The following WWC2 variants were observed in gnomAD, a reference collection of about 807,000 sequenced individuals.
WWC2 encodes protein WWC2.
WWC2 carries 101 observed loss-of-function variants against 138.5 expected under a neutral mutation model. That is an observed-to-expected ratio of 0.73 (90% CI 0.62 to 0.86). The LOEUF is 0.86. WWC2 is among the 40% of genes least tolerant of loss of function. WWC2 has a pLI of 0.00. For synonymous variants in WWC2, 558 were observed against 538.4 expected, an observed-to-expected ratio of 1.04 and a Z score of -0.50; for missense variants, 1,420 against 1,419.4, an observed-to-expected ratio of 1.00 and a Z score of -0.01.
intron 14 of WWC2, among the ~76,000 whole-genome samples, chr4:183,267,784 T>C (rs1737553040): frequency 6.6e-6 from 1 of 152,202 alleles, no homozygotes; most frequent in African/African-American, 2.4e-5. Context: ...ACTTGTTGAG[T>C]TGGTGCGAAC....
chr4:183,319,821 G>A lies in WWC2; in HGVS notation c.*4092G>A, dbSNP rs796503961. 1 of 1,613,980 alleles carries A rather than the reference G, an allele frequency of 6.2e-7. No individual in the cohort carries two copies. Among genetic ancestry groups the A allele is most frequent in the Non-Finnish European group, 8.5e-7 (1 of 1,179,912 alleles). The stretch of plus-strand genomic sequence containing the variant: ...GGCAACCCAAGAGACGGGAACCAGG[G>A]CTGTGACTCCCGAGGCCCAGGACAG... On this transcript the variant is annotated 3_prime_UTR_variant, in exon 23 of 23. Transcript: ENST00000403733.
intron 1 of WWC2, among the ~76,000 whole-genome samples, chr4:183,158,068 A>T (rs949479809): frequency 6.6e-6 from 1 of 151,974 alleles, no homozygotes; most frequent in South Asian, 2.1e-4. Context: ...TTAGGGAGTG[A>T]TTTTAGATCA....
chr4:183,178,377 CAAAT>C (rs10690640), intron 1 of WWC2, among the ~76,000 whole-genome samples: 6,932 of 134,532 alleles, frequency 0.052, 302 homozygotes, highest in East Asian at 0.2. Context: ...CCTGTTTCTA[CAAAT>C]AAATAAATAA....
At chr4:183,168,154 G>T (rs1224547411) in intron 1 of WWC2, among the ~76,000 whole-genome samples, 1 of 135,658 alleles carries the variant, frequency 7.4e-6, no homozygotes, top group Non-Finnish European at 1.6e-5. Flanking sequence ...ACGCCCGGCT[G>T]ACTTTTTTTC....
At chr4:183,182,856 C>G (rs1365413882) in intron 1 of WWC2, among the ~76,000 whole-genome samples, 1 of 152,180 alleles carries the variant, frequency 6.6e-6, no homozygotes, top group Non-Finnish European at 1.5e-5. Flanking sequence ...AATGCATATA[C>G]TATTACTTCT....
chr4:183,207,335 G>A (rs747455794), intron 2 of WWC2, among the ~76,000 whole-genome samples: 20 of 152,100 alleles, frequency 1.3e-4, no homozygotes, highest in South Asian at 4.1e-4. Context: ...GATCCACTGC[G>A]GACTCACTGA....
chr4:183,133,152 C>CTTTT (rs374079982), intron 1 of WWC2, among the ~76,000 whole-genome samples: 3 of 59,190 alleles, frequency 5.1e-5, no homozygotes, highest in Non-Finnish European at 1.1e-4. Flanking sequence ...TCTTTTTTTT[C>CTTTT]TTTTTTTTTT....
chr4:183,248,090 C>T (rs1736855549), intron 6 of WWC2, among the ~76,000 whole-genome samples: 1 of 152,096 alleles, frequency 6.6e-6, no homozygotes, highest in South Asian at 2.1e-4. Flanking sequence ...ACAGCAGGCA[C>T]ATTTGCTTTT....
chr4:183,290,651 T>C (rs1465413368), intron 21 of WWC2, among the ~76,000 whole-genome samples: 1 of 152,278 alleles, frequency 6.6e-6, no homozygotes, highest in African/African-American at 2.4e-5. Context: ...TATTTTGGTT[T>C]AGGATTGTGT....
Position 183,285,964 on chromosome 4 carries a change from CA to C in WWC2, c.3049-2del, listed in dbSNP as rs1169546175. The C allele has an allele frequency of 6.3e-7, 1 of 1,581,568 alleles. No homozygotes were observed. Among genetic ancestry groups the C allele is most frequent in the African/African-American group, 1.3e-5 (1 of 74,386 alleles). On this transcript the variant is annotated splice_acceptor_variant, in intron 19 of 22. Transcript: ENST00000403733. LOFTEE classifies it high-confidence loss of function. ...ATTTTTTTTTTAAATCTTTTGTTGC[CA>C]GTTAAATCGGAGTGACAGTGACAGT...
chr4:183,255,513 T>G (rs1006014016), intron 9 of WWC2, among the ~76,000 whole-genome samples: 1 of 152,244 alleles, frequency 6.6e-6, no homozygotes, highest in South Asian at 2.1e-4. Flanking sequence ...CAATGATGTT[T>G]CATACTACTA....
chr4:183,149,454 C>T (rs75194414), intron 1 of WWC2, among the ~76,000 whole-genome samples: 1 of 152,028 alleles, frequency 6.6e-6, no homozygotes, highest in Non-Finnish European at 1.5e-5. Context: ...GAAACCCCAT[C>T]TCTACTGAAA....
intron 22 of WWC2, among the ~76,000 whole-genome samples, chr4:183,312,716 A>G (rs1410961095): frequency 6.6e-6 from 1 of 152,322 alleles, no homozygotes; most frequent in Middle Eastern, 3.4e-3. Context: ...CTGTTAGCAC[A>G]TCTCACTGGG....
Position 183,181,004 on chromosome 4 carries a change from A to G in WWC2, c.132-12595A>G, listed in dbSNP as rs568254715. Among the ~76,000 whole-genome samples the G allele has an allele frequency of 9.8e-5, 15 of 152,368 alleles. No individual in the cohort carries two copies. In the South Asian group the frequency reaches 2.3e-3, roughly 23 times the overall value. On this transcript the variant is annotated intron_variant, in intron 1 of 22. Transcript: ENST00000403733. ...CATTATAAGACTTTAAAATTTATCAAAACTTATGCACACATTACAAATTGT... is the reference window on the plus strand; with the variant it reads ...CATTATAAGACTTTAAAATTTATCAGAACTTATGCACACATTACAAATTGT...
chr4:183,236,364 G>C (rs1353175906), intron 4 of WWC2, among the ~76,000 whole-genome samples: 2 of 152,184 alleles, frequency 1.3e-5, no homozygotes, highest in African/African-American at 4.8e-5. Context: ...GACTCACAGA[G>C]ACTCCAGGGG....
intron 1 of WWC2, among the ~76,000 whole-genome samples, chr4:183,145,540 G>A (rs1299561973): frequency 6.6e-6 from 1 of 152,160 alleles, no homozygotes; most frequent in Non-Finnish European, 1.5e-5. Context: ...TGGGCATAGT[G>A]GTCACAATAT....
chr4:183,292,658 T>G (rs1269982463), intron 21 of WWC2, among the ~76,000 whole-genome samples: 1 of 150,956 alleles, frequency 6.6e-6, no homozygotes, highest in Non-Finnish European at 1.5e-5. Flanking sequence ...AAAGAAAATA[T>G]AAGTTCTGGA....
At chr4:183,246,947 A>T (rs1736798747) in intron 6 of WWC2, among the ~76,000 whole-genome samples, 1 of 152,138 alleles carries the variant, frequency 6.6e-6, no homozygotes, top group South Asian at 2.1e-4. Flanking sequence ...GTCATCTTTC[A>T]TTCTTCCTAT....
intron 1 of WWC2, among the ~76,000 whole-genome samples, chr4:183,186,224 G>A (rs1044783343): frequency 3.9e-5 from 6 of 152,188 alleles, no homozygotes; most frequent in Non-Finnish European, 7.3e-5. Flanking sequence ...GATTATAGGC[G>A]TAATCCACTG....
Sources: gnomAD v4.1 joint callset for allele counts (sites outside exome capture counted in the v4.1 genomes callset) on GRCh38, gnomAD v4.1.1 for gene constraint, MANE v1.5 for transcripts, NCBI Gene and HGNC (gene_info 2026-07-23, HGNC 2026-07-21) for gene names.